The following LRBA variants were observed in gnomAD, a reference collection of about 807,000 sequenced individuals.
LRBA encodes lipopolysaccharide-responsive and beige-like anchor protein.
In LRBA, 176 loss-of-function variants were observed where a neutral mutation model predicts 330.0. The observed-to-expected ratio is 0.53, with a 90% CI of 0.47 to 0.60. LRBA has a LOEUF of 0.60. Among genes scored for constraint, LRBA ranks in the 20% least tolerant of loss-of-function variants. The probability of loss-of-function intolerance (pLI) is 0.00; values close to 1 mark genes in which losing one functional copy is unlikely to be tolerated. For missense variants in LRBA, 3,259 were observed against 3,444.8 expected, an observed-to-expected ratio of 0.95 and a Z score of 1.35; for synonymous variants, 1,230 against 1,193.0, an observed-to-expected ratio of 1.03 and a Z score of -0.64.
In LRBA at chr4:150,683,597, T is replaced by C. The variant is rs1783244104; in HGVS notation, c.5875A>G (p.Asn1959Asp). ...GCTCCATGCTTGTCTGTGAGAATGT[T>C]GATAATTTTCTGGATTAGTTGAGTT... ...TATQLIQKII[N>D]ILTDKHGAWG... The change falls in exon 37 of 57, where the codon AAC becomes GAC. Residue 1959 changes from asparagine (N) to aspartate (D), a missense_variant. Asn to Asp is a conservative substitution (Grantham distance 23). Transcript: ENST00000651943. The C allele has an allele frequency of 6.2e-7, 1 of 1,614,000 alleles. No homozygotes were observed. Among genetic ancestry groups the C allele is most frequent in the East Asian group, 2.2e-5 (1 of 44,870 alleles).
At chr4:150,452,410 T>C (rs1469545349) in intron 44 of LRBA, among the ~76,000 whole-genome samples, 5 of 152,036 alleles carry the variant, frequency 3.3e-5, no homozygotes, top group African/African-American at 1.2e-4. Context: ...GATCACAAGG[T>C]CAGGAGATGG....
intron 40 of LRBA, chr4:150,582,573 C>T (rs1771516945): frequency 1.2e-5 from 2 of 162,798 alleles, no homozygotes; most frequent in African/African-American, 4.8e-5. Flanking sequence ...GAATGTTTCG[C>T]TTTTATTTTT....
chr4:150,810,697 A>T (rs962780084), intron 31 of LRBA, among the ~76,000 whole-genome samples: 1 of 152,004 alleles, frequency 6.6e-6, no homozygotes, highest in African/African-American at 2.4e-5. Flanking sequence ...GAACTCCTGG[A>T]CTCAAGCCGT....
chr4:150,489,531 AAT>A (rs1371735716), intron 41 of LRBA, among the ~76,000 whole-genome samples: 1 of 106,312 alleles, frequency 9.4e-6, no homozygotes, highest in Non-Finnish European at 1.7e-5. Context: ...AAGAATACAT[AAT>A]ATATATTATA....
chr4:150,741,911 C>T (rs191070731), intron 35 of LRBA, among the ~76,000 whole-genome samples: 133 of 152,050 alleles, frequency 8.7e-4, no homozygotes, highest in African/African-American at 2.9e-3. Context: ...CTGATAATGG[C>T]CACGGAGTTC....
chr4:150,903,829 A>G (rs977237198), intron 13 of LRBA, among the ~76,000 whole-genome samples: 9 of 152,218 alleles, frequency 5.9e-5, no homozygotes, highest in African/African-American at 2.2e-4. Context: ...TCATTCACTC[A>G]TTATGTACTC....
chr4:150,322,136 A>C (rs931854510), intron 49 of LRBA, among the ~76,000 whole-genome samples: 4 of 152,190 alleles, frequency 2.6e-5, no homozygotes, highest in Admixed American at 1.3e-4. Context: ...CCTGTTGGTT[A>C]AAAAACAAAC....
At chr4:150,994,704 TGAA>T (rs1742454514) in intron 2 of LRBA, among the ~76,000 whole-genome samples, 1 of 152,182 alleles carries the variant, frequency 6.6e-6, no homozygotes, top group Non-Finnish European at 1.5e-5. Flanking sequence ...CATAAGAGAA[TGAA>T]GAAGAGGGTC....
At chr4:150,521,168 A>T (rs957709136) in intron 40 of LRBA, among the ~76,000 whole-genome samples, 1 of 152,082 alleles carries the variant, frequency 6.6e-6, no homozygotes, top group Non-Finnish European at 1.5e-5. Flanking sequence ...TTTAAAAAAC[A>T]GCTTTTGGTT....
At position 150,905,876 on chromosome 4, in the gene LRBA, G is replaced by T. The variant is rs1234177181; in HGVS notation, c.1717C>A (p.Leu573Ile). 7 of 1,613,508 alleles carry T rather than the reference G, an allele frequency of 4.3e-6. No homozygotes were observed. Among genetic ancestry groups the T allele is most frequent in the Non-Finnish European group, 5.9e-6 (7 of 1,179,660 alleles). The change falls in exon 13 of 57, where the codon CTT becomes ATT. Residue 573 changes from leucine to isoleucine, a missense_variant. Physicochemically the swap from Leu to Ile is conservative, Grantham distance 5 (BLOSUM62 2). Coordinates refer to ENST00000651943, the MANE Select transcript of LRBA (RefSeq NM_001364905.1). ...TGAATCCATATGGCAGGATTAAGAA[G>T]AACGTGATCACACAATTGCTTGAGC... ...PLLKQLCDHV[L>I]LNPAIWIHTP...
chr4:150,515,241 T>C (rs1008561379), intron 40 of LRBA, among the ~76,000 whole-genome samples: 6 of 151,668 alleles, frequency 4.0e-5, no homozygotes, highest in African/African-American at 1.2e-4. Context: ...ATTGCAAGAG[T>C]GGTTCAATAC....
At chr4:150,317,818 A>C (rs556036714) in intron 50 of LRBA, among the ~76,000 whole-genome samples, 1 of 152,258 alleles carries the variant, frequency 6.6e-6, no homozygotes, top group East Asian at 1.9e-4. Flanking sequence ...TGTAATCTCT[A>C]TGTTTCAATT....
chr4:150,550,077 T>C (rs1766395170), intron 40 of LRBA, among the ~76,000 whole-genome samples: 1 of 152,226 alleles, frequency 6.6e-6, no homozygotes, highest in Non-Finnish European at 1.5e-5. Flanking sequence ...TCTGTAAATT[T>C]AGCTCATTAG....
At chr4:150,611,739 T>TGTAA (rs1162487021) in intron 37 of LRBA, among the ~76,000 whole-genome samples, 2 of 152,202 alleles carry the variant, frequency 1.3e-5, no homozygotes, top group African/African-American at 2.4e-5. Flanking sequence ...GGTCAGTATT[T>TGTAA]GTAAGTAAGT....
chr4:150,591,362 GC>G (rs1019763878), intron 38 of LRBA, among the ~76,000 whole-genome samples: 1 of 152,134 alleles, frequency 6.6e-6, no homozygotes, highest in African/African-American at 2.4e-5. Flanking sequence ...GAGGATTTAG[GC>G]CCAGATACTG....
At chr4:150,839,645 C>A (rs1206705601) in intron 28 of LRBA, among the ~76,000 whole-genome samples, 2 of 152,162 alleles carry the variant, frequency 1.3e-5, no homozygotes, top group East Asian at 3.8e-4. Context: ...GGACAAAAAA[C>A]CAAACACTGC....
intron 42 of LRBA, among the ~76,000 whole-genome samples, chr4:150,475,057 T>C (rs1184555015): frequency 1.3e-5 from 2 of 152,226 alleles, no homozygotes; most frequent in African/African-American, 4.8e-5. Flanking sequence ...TTTTCTCCTT[T>C]ATAAATACTG....
intron 37 of LRBA, among the ~76,000 whole-genome samples, chr4:150,665,977 A>C (rs1393306209): frequency 3.3e-5 from 5 of 152,250 alleles, no homozygotes; most frequent in Non-Finnish European, 7.3e-5. Context: ...AAAGAAGTAC[A>C]AATTGCATAA....
chr4:150,832,960 G>A (rs1747419859), intron 28 of LRBA, among the ~76,000 whole-genome samples: 1 of 152,052 alleles, frequency 6.6e-6, no homozygotes. Context: ...ATTTCTTGAA[G>A]AGACAGGGTC....
Sources: gnomAD v4.1 joint callset for allele counts (sites outside exome capture counted in the v4.1 genomes callset) on GRCh38, gnomAD v4.1.1 for gene constraint, MANE v1.5 for transcripts, NCBI Gene and HGNC (gene_info 2026-07-23, HGNC 2026-07-21) for gene names.